Variants in NDST3 observed in about 807,000 individuals in gnomAD.
The protein encoded by NDST3 is bifunctional heparan sulfate N-deacetylase/N-sulfotransferase 3.
In NDST3, 58 loss-of-function variants were observed where a neutral mutation model predicts 96.1. The ratio of observed to expected loss-of-function variants is 0.60; its 90% CI spans 0.49 to 0.75. NDST3 has a LOEUF of 0.75. Ranked by LOEUF, NDST3 falls within the 30% of genes least tolerant of loss-of-function variation. The pLI is 0.00. For missense variants in NDST3, 788 were observed against 1,034.2 expected, an observed-to-expected ratio of 0.76 and a Z score of 3.27; for synonymous variants, 333 against 359.7, an observed-to-expected ratio of 0.93 and a Z score of 0.84.
intron 6 of NDST3, among the ~76,000 whole-genome samples, chr4:118,185,786 G>A (rs1736912677): frequency 1.3e-5 from 2 of 152,128 alleles, no homozygotes; most frequent in African/African-American, 4.8e-5. Context: ...AAAACTCAGT[G>A]ATTGACACAA....
intron 6 of NDST3, among the ~76,000 whole-genome samples, chr4:118,214,445 C>A (rs572956763): frequency 6.6e-6 from 1 of 152,160 alleles, no homozygotes; most frequent in East Asian, 1.9e-4. Flanking sequence ...TGATTACATG[C>A]TGAAATGACA....
At chr4:118,164,974 C>A (rs1370050555) in intron 6 of NDST3, among the ~76,000 whole-genome samples, 1 of 151,862 alleles carries the variant, frequency 6.6e-6, no homozygotes, top group Non-Finnish European at 1.5e-5. Flanking sequence ...TATCACTATA[C>A]AAAAATCAAC....
At chr4:118,243,393 T>G (rs929991516) in intron 12 of NDST3, among the ~76,000 whole-genome samples, 1 of 152,336 alleles carries the variant, frequency 6.6e-6, no homozygotes, top group Middle Eastern at 3.4e-3. Context: ...GGTGGAACTC[T>G]GCAGTTTTGA....
At position 118,237,201 on chromosome 4, in the gene NDST3, G is replaced by A. The variant is rs772276156; in HGVS notation, c.2099G>A (p.Arg700Gln). 8 of 1,610,664 alleles carry A rather than the reference G, an allele frequency of 5.0e-6. No individual in the cohort carries two copies. Among genetic ancestry groups the A allele is most frequent in the South Asian group, 1.1e-5 (1 of 90,294 alleles). The change falls in exon 10 of 14, where the codon CGA becomes CAA. Residue 700 changes from arginine to glutamine, a missense_variant. Around this residue, in one of 3 missense-constraint regions of NDST3, gnomAD observed 490 missense variants for 708.8 expected, o/e 0.69. Coordinates refer to ENST00000296499, the MANE Select transcript of NDST3 (RefSeq NM_004784.3). ...ACCATTCTCATTGACCCTTCAGACCGAGCATACTCCTGGTACCAGGTAAGG... is the reference window on the plus strand; with the variant it reads ...ACCATTCTCATTGACCCTTCAGACCAAGCATACTCCTGGTACCAGGTAAGG... ...IITILIDPSD[R>Q]AYSWYQHQRS...
At chr4:118,100,817 A>G (rs1729702081) in intron 2 of NDST3, among the ~76,000 whole-genome samples, 2 of 152,176 alleles carry the variant, frequency 1.3e-5, no homozygotes, top group Non-Finnish European at 2.9e-5. Flanking sequence ...ACCACTTCTG[A>G]AATGGGAATA....
At chr4:118,072,778 G>C (rs1727191019) in intron 2 of NDST3, among the ~76,000 whole-genome samples, 1 of 152,050 alleles carries the variant, frequency 6.6e-6, no homozygotes, top group Non-Finnish European at 1.5e-5. Flanking sequence ...AATAGGAGTA[G>C]TGACAGTGGG....
intron 10 of NDST3, among the ~76,000 whole-genome samples, chr4:118,238,863 C>T (rs1740848557): frequency 6.6e-6 from 1 of 152,158 alleles, no homozygotes; most frequent in Non-Finnish European, 1.5e-5. Context: ...AACCATGGGG[C>T]ACTTTCTTAA....
At chr4:118,192,519 G>A in intron 6 of NDST3, among the ~76,000 whole-genome samples, 1 of 152,070 alleles carries the variant, frequency 6.6e-6, no homozygotes. Context: ...AGTTTTTCCA[G>A]CACTATTTAT....
chr4:118,076,665 A>C (rs569037231), intron 2 of NDST3, among the ~76,000 whole-genome samples: 2 of 152,166 alleles, frequency 1.3e-5, no homozygotes, highest in East Asian at 3.9e-4. Context: ...TCTTTCTTAA[A>C]ACGGCTGTTT....
intron 6 of NDST3, 43 bp from the exon 7 acceptor site, chr4:118,224,447 CA>C: frequency 1.3e-6 from 2 of 1,541,760 alleles, no homozygotes; most frequent in Non-Finnish European, 1.8e-6. Context: ...CCTCTAGTGT[CA>C]AAATAAATGT....
chr4:118,110,086 T>A (rs1369831126), intron 3 of NDST3, among the ~76,000 whole-genome samples: 1 of 152,142 alleles, frequency 6.6e-6, no homozygotes, highest in South Asian at 2.1e-4. Context: ...ACATAGCTTG[T>A]GAAGTGTCAA....
Position 118,204,565 on chromosome 4 carries a change from G to A in NDST3, c.1540-19926G>A, listed in dbSNP as rs1292244087. The stretch of plus-strand genomic sequence containing the variant: ...GCTGCCTCTGACTGGCCAAAACTTG[G>A]TGACTGGCACAAGAGTAGGTTACTG... On this transcript the variant is annotated intron_variant, in intron 6 of 13. Coordinates refer to ENST00000296499, the MANE Select transcript of NDST3 (RefSeq NM_004784.3). Among the ~76,000 whole-genome samples, 4 of 144,694 alleles carry A rather than the reference G, an allele frequency of 2.8e-5. 1 individual carries two copies. Among genetic ancestry groups the A allele is most frequent in the African/African-American group, 5.1e-5 (2 of 39,196 alleles). The allele number at this position is 144,694 out of a possible 152,430, so 94.9% of individuals were successfully genotyped here. A position where few individuals can be genotyped will look rare whatever the true frequency, so the allele number is the denominator to read the frequency against.
At chr4:118,147,931 C>T (rs1170969025) in intron 6 of NDST3, among the ~76,000 whole-genome samples, 2 of 152,178 alleles carry the variant, frequency 1.3e-5, no homozygotes, top group Admixed American at 6.5e-5. Context: ...CACTTTGCCT[C>T]CCTTCAACAT....
At chr4:118,065,504 T>C (rs1167760293) in intron 2 of NDST3, among the ~76,000 whole-genome samples, 1 of 152,098 alleles carries the variant, frequency 6.6e-6, no homozygotes, top group East Asian at 1.9e-4. Flanking sequence ...CTATCATCAA[T>C]TCATTACTTT....
At chr4:118,249,835 G>T (rs1489411858) in intron 12 of NDST3, among the ~76,000 whole-genome samples, 3 of 151,826 alleles carry the variant, frequency 2.0e-5, no homozygotes, top group African/African-American at 7.3e-5. Flanking sequence ...TAATTGTGCA[G>T]TTCAATGAAT....
chr4:118,130,557 T>A (rs1478435089), intron 4 of NDST3, among the ~76,000 whole-genome samples: 1 of 152,194 alleles, frequency 6.6e-6, no homozygotes, highest in Admixed American at 6.5e-5. Flanking sequence ...TTTGATTGGT[T>A]CATCATTTAG....
intron 4 of NDST3, among the ~76,000 whole-genome samples, chr4:118,127,006 C>G (rs984855002): frequency 2.0e-5 from 3 of 151,984 alleles, no homozygotes; most frequent in African/African-American, 7.2e-5. Context: ...TGAGAAATGT[C>G]TATTCAAGCC....
At chr4:118,089,664 C>A (rs1728712154) in intron 2 of NDST3, among the ~76,000 whole-genome samples, 1 of 151,916 alleles carries the variant, frequency 6.6e-6, no homozygotes, top group Admixed American at 6.6e-5. Context: ...TTATGCTTCA[C>A]CTGTGTATAT....
chr4:118,061,415 C>T (rs1461481097), intron 2 of NDST3, among the ~76,000 whole-genome samples: 2 of 152,124 alleles, frequency 1.3e-5, no homozygotes, highest in Non-Finnish European at 2.9e-5. Context: ...CTAAAACTGG[C>T]TCACATTGGC....
Sources: allele counts gnomAD v4.1 joint callset (sites outside exome capture counted in the v4.1 genomes callset), GRCh38; gene constraint gnomAD v4.1.1; regional missense constraint gnomAD v4.1.1; transcripts MANE v1.5; gene names NCBI Gene and HGNC (gene_info 2026-07-23, HGNC 2026-07-21).